The following ANO6 variants were observed in gnomAD, a reference collection of about 807,000 sequenced individuals.
ANO6 encodes the protein anoctamin 6.
Under a neutral mutation model 117.5 loss-of-function variants are expected in ANO6, and 106 were observed. The ratio of observed to expected loss-of-function variants is 0.90; its 90% CI spans 0.77 to 1.06. ANO6 has a LOEUF of 1.06. Among genes scored for constraint, ANO6 ranks in the 50% least tolerant of loss-of-function variants. ANO6 has a pLI of 0.00. For synonymous variants in ANO6, 367 were observed against 385.1 expected (o/e 0.95, Z 0.55); for missense variants, 955 against 1,121.1 (o/e 0.85, Z 2.12).
chr12:45,342,586 G>A (rs757992244), intron 3 of ANO6, among the ~76,000 whole-genome samples: 6 of 151,980 alleles, frequency 3.9e-5, no homozygotes, highest in Non-Finnish European at 5.9e-5. Flanking sequence ...AATTTGGGGG[G>A]CTCAGAAAAT....
chr12:45,241,225 AT>A (rs1363773968), intron 1 of ANO6, among the ~76,000 whole-genome samples: 1 of 152,004 alleles, frequency 6.6e-6, no homozygotes, highest in Non-Finnish European at 1.5e-5. Context: ...ATAGTCCCAT[AT>A]TTCTTGGAGG....
chr12:45,352,081 C>T (rs1048678082), intron 7 of ANO6, among the ~76,000 whole-genome samples: 4 of 151,998 alleles, frequency 2.6e-5, no homozygotes, highest in Non-Finnish European at 4.4e-5. Context: ...TCTGGAGCCA[C>T]GTACCTGTTT....
chr12:45,335,252 A>C (rs962688106), intron 3 of ANO6, among the ~76,000 whole-genome samples: 1 of 151,954 alleles, frequency 6.6e-6, no homozygotes, highest in African/African-American at 2.4e-5. Flanking sequence ...ATCAAAGTTA[A>C]ATTTATCTAA....
At chr12:45,399,752 T>C (rs917388161) in intron 12 of ANO6, among the ~76,000 whole-genome samples, 1 of 152,178 alleles carries the variant, frequency 6.6e-6, no homozygotes, top group African/African-American at 2.4e-5. Flanking sequence ...AAATCTGGGT[T>C]CTCTTCTAGG....
chr12:45,327,736 C>T (rs1940518849), intron 2 of ANO6, among the ~76,000 whole-genome samples: 2 of 152,048 alleles, frequency 1.3e-5, no homozygotes, highest in South Asian at 4.1e-4. Context: ...TTTTAAGAAA[C>T]TTAGCTCATG....
At chr12:45,344,762 C>T (rs1336876785) in intron 3 of ANO6, among the ~76,000 whole-genome samples, 1 of 152,088 alleles carries the variant, frequency 6.6e-6, no homozygotes, top group Admixed American at 6.6e-5. Flanking sequence ...GAAATAAGGA[C>T]TGGGCTCCTA....
intron 18 of ANO6, among the ~76,000 whole-genome samples, chr12:45,422,229 G>A (rs901841465): frequency 6.6e-5 from 10 of 152,122 alleles, no homozygotes; most frequent in African/African-American, 2.4e-4. Flanking sequence ...AAAGAATTAG[G>A]TAAAAAATTA....
At chr12:45,312,862 A>G (rs1462143792) in intron 2 of ANO6, among the ~76,000 whole-genome samples, 1 of 152,114 alleles carries the variant, frequency 6.6e-6, no homozygotes, top group Non-Finnish European at 1.5e-5. Flanking sequence ...GTTAACATGT[A>G]TTATAATATA....
At chr12:45,427,018 C>A (rs1232497014) in intron 19 of ANO6, among the ~76,000 whole-genome samples, 1 of 151,874 alleles carries the variant, frequency 6.6e-6, no homozygotes, top group Non-Finnish European at 1.5e-5. Context: ...AAATGTTCTC[C>A]TCCCAACCCA....
intron 1 of ANO6, among the ~76,000 whole-genome samples, chr12:45,217,270 CTAAT>C (rs1291242480): frequency 6.6e-6 from 1 of 152,112 alleles, no homozygotes; most frequent in East Asian, 1.9e-4. Context: ...CCAGAAGACT[CTAAT>C]TAAATTACCA....
At chr12:45,390,649 A>G in intron 12 of ANO6, 151 bp downstream of exon 12, 1 of 750,198 alleles carries the variant, frequency 1.3e-6, no homozygotes, top group Non-Finnish European at 2.2e-6. Context: ...TTTCCAGATA[A>G]CTATTTTAGC....
intron 12 of ANO6, among the ~76,000 whole-genome samples, chr12:45,391,605 C>T (rs574654871): frequency 9.2e-5 from 14 of 152,096 alleles, no homozygotes; most frequent in African/African-American, 2.9e-4. Flanking sequence ...TGGTGGCTCA[C>T]GCCTGTAATC....
chr12:45,280,365 G>C (rs1938684999), intron 1 of ANO6, among the ~76,000 whole-genome samples: 1 of 152,164 alleles, frequency 6.6e-6, no homozygotes, highest in Non-Finnish European at 1.5e-5. Context: ...AGAAAATGTG[G>C]TTGTGAGATC....
rs188613479 is a variant in ANO6, at chr12:45,216,510, C to A, written c.70+119C>A. ...GGAGGTTGGCCGAGACGCTCGGCCGCTCCGGGCAGGGGAGGAAGCCCGCTG... is the reference window on the plus strand; with the variant it reads ...GGAGGTTGGCCGAGACGCTCGGCCGATCCGGGCAGGGGAGGAAGCCCGCTG... On this transcript the variant is annotated intron_variant, in intron 1 of 19. Transcript: ENST00000320560. The A allele has an allele frequency of 7.8e-4, 918 of 1,169,786 alleles. 4 individuals carry two copies. The African/African-American group carries it at 0.011, about 15-fold the overall frequency. 72.5% of individuals were successfully genotyped at this position (1,169,786 alleles called of 1,614,324 possible).
At chr12:45,336,424 ATTAT>A (rs945680393) in intron 3 of ANO6, among the ~76,000 whole-genome samples, 5 of 152,090 alleles carry the variant, frequency 3.3e-5, no homozygotes, top group Non-Finnish European at 5.9e-5. Flanking sequence ...ACTACATTAA[ATTAT>A]TTATGTATGG....
chr12:45,358,823 C>T (rs1168389101), intron 8 of ANO6, among the ~76,000 whole-genome samples: 4 of 148,862 alleles, frequency 2.7e-5, no homozygotes, highest in African/African-American at 5.0e-5. Context: ...CTTGCTGTGT[C>T]GCCCAGGCTG....
intron 1 of ANO6, chr12:45,228,292 T>A (rs981943741): frequency 2.2e-5 from 2 of 91,274 alleles, no homozygotes; most frequent in Non-Finnish European, 4.1e-5. Flanking sequence ...CAGGCCCTCC[T>A]TTTTTTTTTT....
chr12:45,382,222 G>C (rs775523596), intron 10 of ANO6, among the ~76,000 whole-genome samples: 20 of 152,134 alleles, frequency 1.3e-4, no homozygotes, highest in Non-Finnish European at 2.9e-4. Context: ...GAATGGGTTA[G>C]AAAATGTCAG....
In ANO6 at chr12:45,255,818, G is replaced by GTTTTTTTTTTTTTTTTTTTTTTTTTTT. The variant is rs551517877; in HGVS notation, c.70+39447_70+39448insTTTTTTTTTTTTTTTTTTTTTTTTTTT. Among the ~76,000 whole-genome samples the GTTTTTTTTTTTTTTTTTTTTTTTTTTT allele has an allele frequency of 3.9e-4, 32 of 81,688 alleles. 3 individuals carry two copies. The highest frequency in any genetic ancestry group is 1.3e-3 in the African/African-American group (29 of 22,234). The allele number at this position is 81,688 out of a possible 152,430, so 53.6% of individuals were successfully genotyped here. ...CTGGCCCCAGGTTTTCTCCCTGGGT[G>GTTTTTTTTTTTTTTTTTTTTTTTTTTT]TTTTTTTTTTTTTTTTTTTTGAGAC... On this transcript the variant is annotated intron_variant, in intron 1 of 19. Coordinates refer to ENST00000320560, the MANE Select transcript of ANO6 (RefSeq NM_001025356.3).
Sources: gnomAD v4.1 joint callset for allele counts (sites outside exome capture counted in the v4.1 genomes callset) on GRCh38, gnomAD v4.1.1 for gene constraint, MANE v1.5 for transcripts, NCBI Gene and HGNC (gene_info 2026-07-23, HGNC 2026-07-21) for gene names.